Variants in ZKSCAN3 observed in about 807,000 individuals in gnomAD.
ZKSCAN3 encodes zinc finger protein with KRAB and SCAN domains 3.
In ZKSCAN3, 21 loss-of-function variants were observed where a neutral mutation model predicts 30.7. The ratio of observed to expected loss-of-function variants is 0.68; its 90% CI spans 0.49 to 0.99. ZKSCAN3 has a LOEUF of 0.99. Ranked by LOEUF, ZKSCAN3 falls within the 50% of genes least tolerant of loss-of-function variation. The probability of loss-of-function intolerance (pLI) is 0.00; values close to 1 mark genes in which losing one functional copy is unlikely to be tolerated. For synonymous variants in ZKSCAN3, 201 were observed against 246.7 expected (o/e 0.81, Z 1.73); for missense variants, 507 against 647.1 (o/e 0.78, Z 2.35).
rs1437110059 is a variant in ZKSCAN3, at chr6:28,368,361, C to G, written c.*2076C>G. The stretch of plus-strand genomic sequence containing the variant: ...TCTTCTTATACATTGATTCCCAAAT[C>G]ACGTGTGGTAACAGCATCTCAATTT... On this transcript the variant is annotated 3_prime_UTR_variant, in exon 6 of 6. Transcript: ENST00000252211. The G allele has an allele frequency of 6.6e-6, 1 of 152,166 alleles. No individual in the cohort carries two copies. Among genetic ancestry groups the G allele is most frequent in the Non-Finnish European group, 1.5e-5 (1 of 68,048 alleles). 9.4% of individuals were successfully genotyped at this position (152,166 alleles called of 1,614,324 possible).
chr6:28,363,945 T>A, intron 5 of ZKSCAN3, 130 bp downstream of exon 5: 2 of 1,208,048 alleles, frequency 1.7e-6, no homozygotes, highest in African/African-American at 1.5e-5. Flanking sequence ...TGAAAGCCTG[T>A]AACTGACTAG....
intron 1 of ZKSCAN3, among the ~76,000 whole-genome samples, chr6:28,352,970 T>C (rs931647952): frequency 4.8e-5 from 7 of 144,824 alleles, no homozygotes; most frequent in Non-Finnish European, 8.9e-5. Context: ...TTTTCTTTTT[T>C]TTTTTTTTTT....
chr6:28,368,402 T>G lies in ZKSCAN3; in HGVS notation c.*2117T>G, dbSNP rs1025658050. The G allele has an allele frequency of 7.2e-5, 11 of 152,198 alleles. No homozygotes were observed. Among genetic ancestry groups the G allele is most frequent in the African/African-American group, 2.2e-4 (9 of 41,464 alleles). 9.4% of individuals were successfully genotyped at this position (152,198 alleles called of 1,614,324 possible). ...ATCTCAATTTTTCATGATGACGGTTTGAACCATTAATTTAATTCCTCAGGC... is the reference window on the plus strand; with the variant it reads ...ATCTCAATTTTTCATGATGACGGTTGGAACCATTAATTTAATTCCTCAGGC... On this transcript the variant is annotated 3_prime_UTR_variant, in exon 6 of 6. Coordinates refer to ENST00000252211, the MANE Select transcript of ZKSCAN3 (RefSeq NM_024493.4).
At chr6:28,364,353 G>A (rs1486067105) in intron 5 of ZKSCAN3, among the ~76,000 whole-genome samples, 2 of 152,116 alleles carry the variant, frequency 1.3e-5, no homozygotes, top group Non-Finnish European at 2.9e-5. Flanking sequence ...GGTTGAAGTC[G>A]ATACAACCCC....
rs565226513 is a variant in ZKSCAN3 at position 28,364,732 on chromosome 6, TTTC to T, written c.758-691_758-689del. Among the ~76,000 whole-genome samples the T allele has an allele frequency of 8.5e-5, 13 of 152,272 alleles. No individual in the cohort carries two copies. In the East Asian group the frequency reaches 1.7e-3, roughly 20 times the overall value. On this transcript the variant is annotated intron_variant, in intron 5 of 5. Transcript: ENST00000252211. ...CCACTTTCGCTGTTTCGTTTATTTA[TTTC>T]TTTTGTTTTTGAGATGGAGTCTCAC...
rs1313776508 is a variant in ZKSCAN3, at chr6:28,367,706, A to G, written c.*1421A>G. 6.7e-6 allele frequency: 1 copy of G among 149,670 alleles called. No homozygotes were observed. The highest frequency in any genetic ancestry group is 2.5e-5 in the African/African-American group (1 of 40,086). 9.3% of individuals were successfully genotyped at this position (149,670 alleles called of 1,614,324 possible). ...GCTAAGTTCATACTTTCTCCAGCTC[A>G]ATGGATTCACACCAAATTTTTTTTT... On this transcript the variant is annotated 3_prime_UTR_variant, in exon 6 of 6. Transcript: ENST00000252211.
At chr6:28,358,034 G>A (rs1222111812) in intron 1 of ZKSCAN3, among the ~76,000 whole-genome samples, 1 of 152,116 alleles carries the variant, frequency 6.6e-6, no homozygotes, top group African/African-American at 2.4e-5. Context: ...CCTTACTACA[G>A]TACCTTGACC....
At chr6:28,358,511 C>G (rs1280363599) in intron 1 of ZKSCAN3, among the ~76,000 whole-genome samples, 9 of 150,850 alleles carry the variant, frequency 6.0e-5, no homozygotes, top group Non-Finnish European at 1.2e-4. Flanking sequence ...GGTTGAATCT[C>G]TCAATGCAGA....
rs778672846 is a variant in ZKSCAN3 at position 28,360,024 on chromosome 6, C to T, written c.402+36C>T. On this transcript the variant is annotated intron_variant, in intron 2 of 5. Coordinates refer to ENST00000252211, the MANE Select transcript of ZKSCAN3 (RefSeq NM_024493.4). ...CAGGTTTAGTATCTGAGCGCTGTGG[C>T]CTGTTTCCTCCTGAAATCCCAGATC... 40 of 1,614,006 alleles carry T rather than the reference C, an allele frequency of 2.5e-5. 1 individual carries two copies. The highest frequency in any genetic ancestry group is 1.2e-4 in the Admixed American group (7 of 59,996).
At position 28,363,351 on chromosome 6, in the gene ZKSCAN3, A is replaced by C. The variant is rs13201753; in HGVS notation, c.599A>C (p.Lys200Thr). The C allele has an allele frequency of 0.32, 513,326 of 1,610,762 alleles. 85,307 individuals carry two copies. Among genetic ancestry groups the C allele is most frequent in the African/African-American group, 0.52 (38,930 of 74,620 alleles). The part of the protein sequence containing the change: ...LAHGGCCRED[K>T]VVASRLTPES... ...CATGGAGGATGCTGCAGAGAAGATA[A>C]AGTGGTAGCTTCTAGGCTTACTCCA... Residue 200 changes from lysine to threonine, a missense_variant, in exon 4 of 6, where the codon AAA (lysine) becomes ACA (threonine). Physicochemically the swap from Lys to Thr is moderately conservative, Grantham distance 78. Coordinates refer to ENST00000252211, the MANE Select transcript of ZKSCAN3 (RefSeq NM_024493.4).
At position 28,361,467 on chromosome 6, in the gene ZKSCAN3, T is replaced by C. The variant is rs1171821903; in HGVS notation, c.546T>C (p.Asp182=). 6.2e-7 allele frequency: 1 copy of C among 1,607,278 alleles called. No homozygotes were observed. Among genetic ancestry groups the C allele is most frequent in the Non-Finnish European group, 8.5e-7 (1 of 1,178,076 alleles). Reference sequence around the variant, plus strand: ...CTGTGGGATCCCAGCCTTTACAAGATAGAGGTAAGGATTATTTTCTAGACA... The same window carrying C: ...CTGTGGGATCCCAGCCTTTACAAGACAGAGGTAAGGATTATTTTCTAGACA... ...HESVGSQPLQ[D]RVLQVPVLAH... The change falls in exon 3 of 6, where the codon GAT becomes GAC. Residue 182 remains aspartate, a synonymous_variant. Coordinates refer to ENST00000252211, the MANE Select transcript of ZKSCAN3 (RefSeq NM_024493.4).
At position 28,351,397 on chromosome 6, in the gene ZKSCAN3, C is replaced by T. The variant is rs900392790; in HGVS notation, c.-63+1330C>T. Among the ~76,000 whole-genome samples, 9 of 152,188 alleles carry T rather than the reference C, an allele frequency of 5.9e-5. No individual in the cohort carries two copies. Among genetic ancestry groups the T allele is most frequent in the African/African-American group, 9.6e-5 (4 of 41,456 alleles). ...TCTGGGTTGGGCTGTGGCTCTCTCTCGCCTTCCTTGACCCTACCTTAATGC... is the reference window on the plus strand; with the variant it reads ...TCTGGGTTGGGCTGTGGCTCTCTCTTGCCTTCCTTGACCCTACCTTAATGC... On this transcript the variant is annotated intron_variant, in intron 1 of 5. Coordinates refer to ENST00000252211, the MANE Select transcript of ZKSCAN3 (RefSeq NM_024493.4). The surrounding 1 kb of genome is among the most constrained non-coding windows in gnomAD (Gnocchi z 4.6).
intron 5 of ZKSCAN3, among the ~76,000 whole-genome samples, chr6:28,364,042 TCACTGCAG>T (rs1236510943): frequency 6.6e-6 from 1 of 152,158 alleles, no homozygotes; most frequent in Non-Finnish European, 1.5e-5. Flanking sequence ...CAATCATGGC[TCACTGCAG>T]CCTCAATGTT....
At chr6:28,360,597 T>C in intron 2 of ZKSCAN3, 1 of 974,776 alleles carries the variant, frequency 1.0e-6, no homozygotes, top group Non-Finnish European at 1.2e-6. Flanking sequence ...CTTCCCTGTT[T>C]TATGAGACTG....
At chr6:28,356,885 C>G (rs543959491) in intron 1 of ZKSCAN3, among the ~76,000 whole-genome samples, 1 of 152,354 alleles carries the variant, frequency 6.6e-6, no homozygotes, top group African/African-American at 2.4e-5. Flanking sequence ...CTCCGGGAGC[C>G]TGGGGGCTGA....
intron 1 of ZKSCAN3, among the ~76,000 whole-genome samples, chr6:28,352,914 T>C (rs531555443): frequency 6.6e-6 from 1 of 152,238 alleles, no homozygotes; most frequent in East Asian, 1.9e-4. Flanking sequence ...TTGGAATTGT[T>C]TTTCCCTTTG....
At chr6:28,361,044 A>G (rs1397837297) in intron 2 of ZKSCAN3, among the ~76,000 whole-genome samples, 1 of 152,186 alleles carries the variant, frequency 6.6e-6, no homozygotes, top group Non-Finnish European at 1.5e-5. Flanking sequence ...ACAAATGTAT[A>G]TATGAAGGAG....
At chr6:28,358,202 G>C (rs1183192705) in intron 1 of ZKSCAN3, among the ~76,000 whole-genome samples, 1 of 151,928 alleles carries the variant, frequency 6.6e-6, no homozygotes, top group Non-Finnish European at 1.5e-5. Context: ...TTTTTTTTAA[G>C]AGATGGAGTC....
At chr6:28,355,072 G>A (rs1052754751) in intron 1 of ZKSCAN3, among the ~76,000 whole-genome samples, 1 of 152,186 alleles carries the variant, frequency 6.6e-6, no homozygotes, top group Non-Finnish European at 1.5e-5. Flanking sequence ...ACCTATCTGT[G>A]TACCATGCCC....
Sources: allele counts gnomAD v4.1 joint callset (sites outside exome capture counted in the v4.1 genomes callset), GRCh38; gene constraint gnomAD v4.1.1; non-coding constraint Gnocchi (gnomAD v3.1); transcripts MANE v1.5; gene names NCBI Gene and HGNC (gene_info 2026-07-23, HGNC 2026-07-21).